The following HLA-DRB5 variants were observed in gnomAD, a reference collection of about 807,000 sequenced individuals.
HLA-DRB5 encodes major histocompatibility complex, class II, DR beta 5.
In HLA-DRB5, 11 loss-of-function variants were observed where a neutral mutation model predicts 22.4. That is an observed-to-expected ratio of 0.49 (90% CI 0.31 to 0.81). The LOEUF (loss-of-function observed/expected upper bound fraction) is 0.81, where lower values mean the gene tolerates loss of function less well. Among genes scored for constraint, HLA-DRB5 ranks in the 40% least tolerant of loss-of-function variants. The pLI is 0.05. For synonymous variants in HLA-DRB5, 57 were observed against 106.0 expected, an observed-to-expected ratio of 0.54 and a Z score of 2.84; for missense variants, 106 against 274.4, an observed-to-expected ratio of 0.39 and a Z score of 4.34.
chr6:32,529,876 T>C (rs1304037320), intron 1 of HLA-DRB5, among the ~76,000 whole-genome samples: 1 of 151,166 alleles, frequency 6.6e-6, no homozygotes, highest in African/African-American at 2.4e-5. Flanking sequence ...GGACATGTGA[T>C]GAAAAGGTTT....
intron 1 of HLA-DRB5, among the ~76,000 whole-genome samples, chr6:32,527,062 A>ATG (rs1209217377): frequency 1.7e-4 from 3 of 17,890 alleles, no homozygotes; most frequent in Admixed American, 7.1e-4. Context: ...AGCAAAATCC[A>ATG]CTTTATCTTT....
chr6:32,523,525 G>C (rs191482115), intron 1 of HLA-DRB5, among the ~76,000 whole-genome samples: 11 of 40,226 alleles, frequency 2.7e-4, no homozygotes, highest in Non-Finnish European at 4.2e-4. Context: ...AATCACTACA[G>C]AAATCTCAGG....
chr6:32,521,600 C>T (rs796478001), intron 2 of HLA-DRB5, among the ~76,000 whole-genome samples: 107 of 91,502 alleles, frequency 1.2e-3, no homozygotes, highest in South Asian at 4.3e-3. Flanking sequence ...TCTCTCCAGC[C>T]CCCTGCACCC....
At chr6:32,525,729 T>C in intron 1 of HLA-DRB5, among the ~76,000 whole-genome samples, 1 of 139,482 alleles carries the variant, frequency 7.2e-6, no homozygotes, top group Non-Finnish European at 1.6e-5. Context: ...ATACCACAGA[T>C]ACAGCAGGAT....
At chr6:32,519,228 C>T (rs192265389) in intron 3 of HLA-DRB5, 142 bp downstream of exon 3, 10,331 of 335,678 alleles carry the variant, frequency 0.031, 239 homozygotes, top group South Asian at 0.058. Flanking sequence ...TACAGGGCTA[C>T]CCCCAGTGAC....
intron 1 of HLA-DRB5, among the ~76,000 whole-genome samples, chr6:32,524,294 A>T (rs1262626573): frequency 0.41 from 44,508 of 108,056 alleles, 12,978 homozygotes; most frequent in African/African-American, 0.52. Flanking sequence ...ACCAGTCACC[A>T]AATCATATCA....
intron 1 of HLA-DRB5, among the ~76,000 whole-genome samples, chr6:32,523,100 ATG>A (rs1160532464): frequency 0.17 from 10,892 of 64,238 alleles, 78 homozygotes; most frequent in Admixed American, 0.2. Flanking sequence ...TCTGAGATTT[ATG>A]CTAAAGACAG....
In HLA-DRB5 at chr6:32,525,986, AC is replaced by A. The variant is rs1171531869; in HGVS notation, c.101-3813del. Among the ~76,000 whole-genome samples, 33 of 55,646 alleles carry A rather than the reference AC, an allele frequency of 5.9e-4. 1 individual carries two copies. Among genetic ancestry groups the A allele is most frequent in the African/African-American group, 2.1e-3 (31 of 14,790 alleles). The allele number at this position is 55,646 out of a possible 152,430, so 36.5% of individuals were successfully genotyped here. ...CTCTAATATTTCCTTGATAATAATG[AC>A]CGAGCATCTCTGGTTCACAGGTCCT... On this transcript the variant is annotated intron_variant, in intron 1 of 5. Coordinates refer to ENST00000374975, the MANE Select transcript of HLA-DRB5 (RefSeq NM_002125.4).
intron 1 of HLA-DRB5, among the ~76,000 whole-genome samples, chr6:32,529,060 G>A (rs1321819674): frequency 6.7e-5 from 10 of 150,318 alleles, no homozygotes; most frequent in African/African-American, 2.2e-4. Flanking sequence ...GAAACTGGAG[G>A]AAGAGGTAAG....
chr6:32,519,193 A>G (rs114324495), intron 3 of HLA-DRB5, among the ~76,000 whole-genome samples, 177 bp downstream of exon 3: 40,302 of 66,062 alleles, frequency 0.61, 14,520 homozygotes, highest in Admixed American at 0.68. Flanking sequence ...GCTTCCCCAG[A>G]GGATACAGGT....
chr6:32,518,923 T>C (rs111368567), intron 3 of HLA-DRB5, among the ~76,000 whole-genome samples: 801 of 54,176 alleles, frequency 0.015, 6 homozygotes, highest in Non-Finnish European at 0.018. Context: ...AGCCTGAGAC[T>C]CAATGAGGTT....
In HLA-DRB5 at chr6:32,517,662, T is replaced by C; in HGVS notation, c.*77A>G. On this transcript the variant is annotated 3_prime_UTR_variant, in exon 6 of 6. Coordinates refer to ENST00000374975, the MANE Select transcript of HLA-DRB5 (RefSeq NM_002125.4). The stretch of plus-strand genomic sequence containing the variant: ...GAGAAAGTCCTCTCTTGTGGAAGAA[T>C]AAGAGCCAAGCAGGAAAGCTTTTCA... 9.7e-6 allele frequency: 3 copies of C among 308,424 alleles called. 1 individual carries two copies. In the South Asian group the frequency reaches 9.8e-5, roughly 10 times the overall value. 19.1% of individuals were successfully genotyped at this position (308,424 alleles called of 1,614,324 possible). A position where few individuals can be genotyped will look rare whatever the true frequency, so the allele number is the denominator to read the frequency against.
chr6:32,529,682 T>C (rs796581722), intron 1 of HLA-DRB5, among the ~76,000 whole-genome samples: 11,780 of 69,828 alleles, frequency 0.17, 1,025 homozygotes, highest in Middle Eastern at 0.33. Context: ...GGAGCCAATA[T>C]CACAGGTTCT....
At chr6:32,521,811 T>TCACACACACACACACACACACACA in intron 2 of HLA-DRB5, 94 bp downstream of exon 2, 2 of 248,814 alleles carry the variant, frequency 8.0e-6, no homozygotes, top group Non-Finnish European at 6.6e-6. Flanking sequence ...CCTCTCTCTC[T>TCACACACACACACACACACACACA]CACACACACA....
At chr6:32,525,177 A>C (rs796758354) in intron 1 of HLA-DRB5, among the ~76,000 whole-genome samples, 3,844 of 43,294 alleles carry the variant, frequency 0.089, 116 homozygotes, top group Non-Finnish European at 0.092. Flanking sequence ...TAATGATGGA[A>C]AAACTCTCAT....
chr6:32,518,824 C>T (rs1768433860), intron 3 of HLA-DRB5, among the ~76,000 whole-genome samples, 158 bp from the exon 4 acceptor site: 1 of 95,630 alleles, frequency 1.0e-5, no homozygotes, highest in African/African-American at 4.0e-5. Context: ...TTTCAAATCA[C>T]ACTGAACAGT....
chr6:32,520,049 A>G (rs532386490), intron 2 of HLA-DRB5, among the ~76,000 whole-genome samples: 571 of 29,244 alleles, frequency 0.02, 32 homozygotes, highest in Middle Eastern at 0.059. Flanking sequence ...CACCCATAAT[A>G]GAGGATAATT....
At chr6:32,518,392 T>C (rs141568866) in intron 4 of HLA-DRB5, among the ~76,000 whole-genome samples, 164 bp downstream of exon 4, 1,819 of 53,148 alleles carry the variant, frequency 0.034, 9 homozygotes, top group Admixed American at 0.04. Flanking sequence ...TTTGACATAG[T>C]AACCATGCAT....
chr6:32,530,125 G>T lies in HLA-DRB5; in HGVS notation c.100C>A (p.Pro34Thr). ...SPLALAGDTR[P>T]RFLQQDKYEC... Reference sequence around the variant, plus strand: ...CTCAGCACCCACAATGTGCACTTACGTCGGGTGTCCCCAGCCAAAGCCAGT... The same window carrying T: ...CTCAGCACCCACAATGTGCACTTACTTCGGGTGTCCCCAGCCAAAGCCAGT... The change falls in exon 1 of 6, where the codon CCA becomes ACA. Residue 34 changes from proline (P) to threonine (T), a missense_variant and splice_region_variant. Coordinates refer to ENST00000374975, the MANE Select transcript of HLA-DRB5 (RefSeq NM_002125.4). 1.3e-6 allele frequency: 2 copies of T among 1,549,532 alleles called. No individual in the cohort carries two copies. The highest frequency in any genetic ancestry group is 1.8e-6 in the Non-Finnish European group (2 of 1,129,618).
Sources: gnomAD v4.1 joint callset for allele counts (sites outside exome capture counted in the v4.1 genomes callset) on GRCh38, gnomAD v4.1.1 for gene constraint, MANE v1.5 for transcripts, NCBI Gene and HGNC (gene_info 2026-07-23, HGNC 2026-07-21) for gene names.